The following PPARGC1A variants were observed in gnomAD, a reference collection of about 807,000 sequenced individuals.
PPARGC1A encodes peroxisome proliferator-activated receptor gamma coactivator 1-alpha.
A neutral mutation model predicts 88.7 loss-of-function variants in PPARGC1A; 25 were observed. The ratio of observed to expected loss-of-function variants is 0.28; its 90% CI spans 0.21 to 0.39. PPARGC1A has a LOEUF of 0.39. Among genes scored for constraint, PPARGC1A ranks in the 10% least tolerant of loss-of-function variants. The pLI, the probability that PPARGC1A is intolerant of heterozygous loss-of-function variation, is 1.00. For missense variants in PPARGC1A, 880 were observed against 968.7 expected (o/e 0.91, Z 1.22); for synonymous variants, 363 against 355.6 (o/e 1.02, Z -0.24).
At chr4:24,417,423 A>G in the PPARGC1A span, among the ~76,000 whole-genome samples, 1 of 152,214 alleles carries the variant, frequency 6.6e-6, no homozygotes, top group Non-Finnish European at 1.5e-5. Flanking sequence ...GATGAAGCAG[A>G]AAAACAGTTG....
At chr4:24,194,846 A>G in the PPARGC1A span, among the ~76,000 whole-genome samples, 1 of 152,168 alleles carries the variant, frequency 6.6e-6, no homozygotes, top group Admixed American at 6.6e-5. Context: ...CAGCTTTACA[A>G]CTAAATATCA....
chr4:24,017,504 T>C, the PPARGC1A span, among the ~76,000 whole-genome samples: 1 of 151,948 alleles, frequency 6.6e-6, no homozygotes, highest in Admixed American at 6.6e-5. Flanking sequence ...AAAAAGATGG[T>C]TAAGCAAACA....
chr4:24,446,448 G>A, the PPARGC1A span, among the ~76,000 whole-genome samples: 1 of 152,106 alleles, frequency 6.6e-6, no homozygotes, highest in African/African-American at 2.4e-5. Flanking sequence ...CCATTGAGTT[G>A]TAGGAGTTTC....
chr4:24,320,396 C>A, the PPARGC1A span, among the ~76,000 whole-genome samples: 1 of 152,306 alleles, frequency 6.6e-6, no homozygotes, highest in African/African-American at 2.4e-5. Flanking sequence ...ACCAGATTTA[C>A]ATTTACTTGG....
the PPARGC1A span, among the ~76,000 whole-genome samples, chr4:24,424,355 A>C: frequency 7.7e-6 from 1 of 129,826 alleles, no homozygotes; most frequent in Non-Finnish European, 1.5e-5. Context: ...GGCTCACTGC[A>C]AGCTCCACCT....
At chr4:23,870,025 A>G (rs1712950358) in intron 2 of PPARGC1A, among the ~76,000 whole-genome samples, 1 of 152,248 alleles carries the variant, frequency 6.6e-6, no homozygotes, top group South Asian at 2.1e-4. Flanking sequence ...TTATAAAATG[A>G]AGTTCGGTAT....
At chr4:24,154,386 A>G in the PPARGC1A span, among the ~76,000 whole-genome samples, 10 of 152,224 alleles carry the variant, frequency 6.6e-5, no homozygotes, top group African/African-American at 2.4e-4. Flanking sequence ...AAATAAATTA[A>G]TCAAGCAAAT....
At chr4:24,319,557 A>G in the PPARGC1A span, among the ~76,000 whole-genome samples, 4 of 152,254 alleles carry the variant, frequency 2.6e-5, no homozygotes, top group African/African-American at 7.2e-5. Flanking sequence ...TGAAATTAAA[A>G]AGGAAAAAAA....
chr4:24,215,151 G>T, the PPARGC1A span, among the ~76,000 whole-genome samples: 2 of 152,298 alleles, frequency 1.3e-5, no homozygotes, highest in East Asian at 3.9e-4. Context: ...TCCCAGCCTG[G>T]CTGTCACCTG....
At chr4:24,401,339 T>C in the PPARGC1A span, among the ~76,000 whole-genome samples, 1 of 152,104 alleles carries the variant, frequency 6.6e-6, no homozygotes, top group African/African-American at 2.4e-5. Context: ...TTTCAAAAAA[T>C]ATTAGCATTG....
the PPARGC1A span, among the ~76,000 whole-genome samples, chr4:23,942,890 C>CAGA: frequency 2.6e-5 from 4 of 152,206 alleles, no homozygotes; most frequent in African/African-American, 4.8e-5. Flanking sequence ...AGAAATACTT[C>CAGA]AAGCAATGTT....
the PPARGC1A span, among the ~76,000 whole-genome samples, chr4:23,913,233 T>TA: frequency 7.8e-6 from 1 of 128,748 alleles, no homozygotes; most frequent in South Asian, 2.6e-4. Context: ...ATTATATATA[T>TA]TATATATTTT....
the PPARGC1A span, among the ~76,000 whole-genome samples, chr4:24,252,845 A>T: frequency 1.3e-5 from 2 of 151,872 alleles, no homozygotes; most frequent in Non-Finnish European, 2.9e-5. Flanking sequence ...ATTATCAGAA[A>T]TTTTTTTTTC....
chr4:23,982,988 A>ATG, the PPARGC1A span, among the ~76,000 whole-genome samples: 1 of 152,138 alleles, frequency 6.6e-6, no homozygotes, highest in South Asian at 2.1e-4. Context: ...CACACTGTCT[A>ATG]TGGCTCCTTT....
chr4:23,985,618 A>G, the PPARGC1A span, among the ~76,000 whole-genome samples: 2 of 150,372 alleles, frequency 1.3e-5, no homozygotes, highest in African/African-American at 4.9e-5. Flanking sequence ...CCAATTACTT[A>G]TCTAAACGGG....
the PPARGC1A span, among the ~76,000 whole-genome samples, chr4:24,117,168 T>C: frequency 1.3e-5 from 2 of 152,152 alleles, no homozygotes; most frequent in East Asian, 1.9e-4. Flanking sequence ...ATCCCATCAA[T>C]AGAGAGGTTT....
the PPARGC1A span, among the ~76,000 whole-genome samples, chr4:23,964,908 T>C: frequency 5.9e-5 from 9 of 152,180 alleles, no homozygotes; most frequent in Admixed American, 5.9e-4. Context: ...GAAAAAACCT[T>C]GTCTCCCTCC....
At chr4:23,953,257 A>C in the PPARGC1A span, among the ~76,000 whole-genome samples, 76 of 152,246 alleles carry the variant, frequency 5.0e-4, no homozygotes, top group African/African-American at 1.8e-3. Context: ...ATGTTTGGTC[A>C]ACTAAGATTT....
At chr4:24,283,466 C>T in the PPARGC1A span, among the ~76,000 whole-genome samples, 1 of 152,172 alleles carries the variant, frequency 6.6e-6, no homozygotes, top group East Asian at 1.9e-4. Flanking sequence ...ACGAAGGAAA[C>T]GGCTTCATTT....
Sources: allele counts gnomAD v4.1 joint callset (sites outside exome capture counted in the v4.1 genomes callset), GRCh38; gene constraint gnomAD v4.1.1; transcripts MANE v1.5; gene names NCBI Gene and HGNC (gene_info 2026-07-23, HGNC 2026-07-21).